Variants in NBEA observed in about 807,000 individuals in gnomAD.
NBEA encodes the protein neurobeachin, also known as lysosomal-trafficking regulator 2.
A neutral mutation model predicts 343.4 loss-of-function variants in NBEA; 44 were observed. The ratio of observed to expected loss-of-function variants is 0.13; its 90% confidence interval spans 0.10 to 0.16. The LOEUF is 0.16. Ranked by LOEUF, NBEA falls within the 10% of genes least tolerant of loss-of-function variation. The pLI is 1.00. For synonymous variants in NBEA, 1,175 were observed against 1,238.7 expected, an observed-to-expected ratio of 0.95 and a Z score of 1.08; for missense variants, 2,555 against 3,631.3, an observed-to-expected ratio of 0.70 and a Z score of 7.62.
At chr13:34,977,995 A>G (rs1256590642) in intron 1 of NBEA, among the ~76,000 whole-genome samples, 3 of 151,830 alleles carry the variant, frequency 2.0e-5, no homozygotes, top group Admixed American at 6.6e-5. Flanking sequence ...TTTTTAGAGA[A>G]TGGGTCTCAC....
chr13:35,536,957 G>A (rs1023545408), intron 41 of NBEA, among the ~76,000 whole-genome samples: 1 of 152,170 alleles, frequency 6.6e-6, no homozygotes, highest in Non-Finnish European at 1.5e-5. Context: ...GGGGGTCAGT[G>A]TGTCCTGGCT....
chr13:35,074,334 C>A (rs2064015163), intron 10 of NBEA, among the ~76,000 whole-genome samples: 1 of 152,000 alleles, frequency 6.6e-6, no homozygotes, highest in Non-Finnish European at 1.5e-5. Context: ...ATTTTTCTTA[C>A]ATTGAGCTAT....
At chr13:35,237,421 G>T (rs1333137207) in intron 34 of NBEA, among the ~76,000 whole-genome samples, 1 of 152,076 alleles carries the variant, frequency 6.6e-6, no homozygotes, top group African/African-American at 2.4e-5. Context: ...TCATTCTTGA[G>T]CATGTACTCT....
At chr13:35,440,346 C>G (rs997557972) in intron 39 of NBEA, among the ~76,000 whole-genome samples, 4 of 152,186 alleles carry the variant, frequency 2.6e-5, no homozygotes, top group Non-Finnish European at 5.9e-5. Flanking sequence ...TGTTCAGAAT[C>G]TTGCTTCTTT....
At chr13:35,202,873 C>G (rs538873269) in intron 31 of NBEA, among the ~76,000 whole-genome samples, 1 of 152,284 alleles carries the variant, frequency 6.6e-6, no homozygotes, top group South Asian at 2.1e-4. Flanking sequence ...CTTGTCCTTT[C>G]TGTTACTTAA....
chr13:35,502,159 T>G (rs1006896380), intron 41 of NBEA, among the ~76,000 whole-genome samples: 1 of 152,084 alleles, frequency 6.6e-6, no homozygotes, highest in African/African-American at 2.4e-5. Context: ...TTGGGGAATG[T>G]GATCTGGTCA....
At chr13:35,208,652 C>A in intron 31 of NBEA, 48 bp from the exon 32 acceptor site, 3 of 1,453,440 alleles carry the variant, frequency 2.1e-6, no homozygotes, top group Non-Finnish European at 1.8e-6. Flanking sequence ...GATTATAATT[C>A]ATCTTCAACC....
chr13:35,018,197 T>C (rs986838988), intron 1 of NBEA, among the ~76,000 whole-genome samples: 4 of 152,140 alleles, frequency 2.6e-5, no homozygotes, highest in South Asian at 2.1e-4. Flanking sequence ...CTCTCAAGTT[T>C]GTTCTTCAGT....
intron 40 of NBEA, among the ~76,000 whole-genome samples, chr13:35,455,971 C>T (rs1436348556): frequency 2.0e-5 from 3 of 151,972 alleles, no homozygotes; most frequent in Admixed American, 6.6e-5. Context: ...GTGAAAATGA[C>T]ATCTTCTGTT....
chr13:35,669,753 A>G (rs1272076335), intron 58 of NBEA, among the ~76,000 whole-genome samples: 1 of 152,196 alleles, frequency 6.6e-6, no homozygotes, highest in Non-Finnish European at 1.5e-5. Context: ...AGTGCAGTGC[A>G]AAGTACTAAG....
intron 1 of NBEA, among the ~76,000 whole-genome samples, chr13:34,977,470 A>G (rs1414263219): frequency 1.3e-5 from 2 of 151,616 alleles, no homozygotes; most frequent in African/African-American, 4.9e-5. Flanking sequence ...CACTGCACCC[A>G]GCTAATTTTT....
intron 1 of NBEA, among the ~76,000 whole-genome samples, chr13:35,014,960 G>A (rs540978835): frequency 2.0e-5 from 3 of 151,742 alleles, no homozygotes; most frequent in Admixed American, 1.3e-4. Flanking sequence ...CCAGGACACA[G>A]CTGCAGGTGT....
intron 34 of NBEA, among the ~76,000 whole-genome samples, chr13:35,249,151 C>CAAAAAAAA (rs1179922550): frequency 8.0e-5 from 4 of 49,710 alleles, no homozygotes; most frequent in Non-Finnish European, 1.2e-4. Flanking sequence ...CTCCATCTTA[C>CAAAAAAAA]AAAAAAAAAA....
intron 49 of NBEA, among the ~76,000 whole-genome samples, chr13:35,632,895 C>G (rs1029089317): frequency 5.3e-5 from 8 of 151,334 alleles, no homozygotes; most frequent in Non-Finnish European, 1.2e-4. Flanking sequence ...TGCACGGCCC[C>G]CCTGTACTAT....
Position 35,211,227 on chromosome 13 carries a change from G to C in NBEA, c.5648+48G>C, listed in dbSNP as rs374328657. 10 of 1,449,960 alleles carry C rather than the reference G, an allele frequency of 6.9e-6. No homozygotes were observed. The East Asian group carries it at 7.5e-5, about 11-fold the overall frequency. The allele number at this position is 1,449,960 out of a possible 1,614,324, so 89.8% of individuals were successfully genotyped here. A position where few individuals can be genotyped will look rare whatever the true frequency, so the allele number is the denominator to read the frequency against. On this transcript the variant is annotated intron_variant, in intron 33 of 58. Coordinates refer to ENST00000379939, the MANE Select transcript of NBEA (RefSeq NM_001385012.1). ...CATTTTAACTCTTTTTAAATGTAGT[G>C]AAACAGTACACAAAAATACAAAAAT...
At chr13:35,565,272 A>T (rs181983754) in intron 44 of NBEA, among the ~76,000 whole-genome samples, 4 of 152,248 alleles carry the variant, frequency 2.6e-5, no homozygotes, top group Admixed American at 6.5e-5. Flanking sequence ...AAAGCTTCAT[A>T]TAATAAACAG....
chr13:35,215,034 A>G (rs1048847505), intron 33 of NBEA, among the ~76,000 whole-genome samples: 1 of 151,566 alleles, frequency 6.6e-6, no homozygotes, highest in African/African-American at 2.4e-5. Context: ...CTACTGCACT[A>G]TCTTCCTGTA....
intron 38 of NBEA, among the ~76,000 whole-genome samples, chr13:35,377,615 G>C (rs1196448101): frequency 1.3e-5 from 2 of 152,068 alleles, no homozygotes; most frequent in Non-Finnish European, 2.9e-5. Context: ...TAAGCCTCTA[G>C]CTCAGATCTC....
rs1219288089 is a variant in NBEA, at chr13:35,107,581, T to C, written c.1681-1709T>C. The stretch of plus-strand genomic sequence containing the variant: ...ATGAACTTAGTAACCTCTAACATTT[T>C]ACATATTTTACCTTTTTATTTTATT... On this transcript the variant is annotated intron_variant, in intron 11 of 58. Transcript: ENST00000379939. Among the ~76,000 whole-genome samples, 4 of 152,204 alleles carry C rather than the reference T, an allele frequency of 2.6e-5. No individual in the cohort carries two copies. In the East Asian group the frequency reaches 7.7e-4, roughly 29 times the overall value.
Sources: allele counts gnomAD v4.1 joint callset (sites outside exome capture counted in the v4.1 genomes callset), GRCh38; gene constraint gnomAD v4.1.1; transcripts MANE v1.5; gene names NCBI Gene and HGNC (gene_info 2026-07-23, HGNC 2026-07-21).